Variants in MYO6 observed in about 807,000 individuals in gnomAD.
The protein encoded by MYO6 is unconventional myosin-VI.
A neutral mutation model predicts 178.7 loss-of-function variants in MYO6; 74 were observed. The ratio of observed to expected loss-of-function variants is 0.41; its 90% CI spans 0.34 to 0.50. MYO6 has a LOEUF of 0.50. MYO6 is among the 20% of genes least tolerant of loss of function. The pLI, the probability that MYO6 is intolerant of heterozygous loss-of-function variation, is 0.09. For synonymous variants in MYO6, 477 were observed against 504.6 expected (o/e 0.95, Z 0.73); for missense variants, 1,330 against 1,547.4 (o/e 0.86, Z 2.36).
chr6:75,838,739 T>C (rs1773903605), intron 7 of MYO6, among the ~76,000 whole-genome samples: 1 of 148,458 alleles, frequency 6.7e-6, no homozygotes, highest in Non-Finnish European at 1.5e-5. Flanking sequence ...TCGGCTCACC[T>C]CAACCTCCAT....
In MYO6 at chr6:75,917,158, A is replaced by C. The variant is rs1005102784; in HGVS notation, c.*2146A>C. 5 of 152,678 alleles carry C rather than the reference A, an allele frequency of 3.3e-5. No individual in the cohort carries two copies. Among genetic ancestry groups the C allele is most frequent in the Admixed American group, 6.5e-5 (1 of 15,288 alleles). The allele number at this position is 152,678 out of a possible 1,614,324, so 9.5% of individuals were successfully genotyped here. On this transcript the variant is annotated 3_prime_UTR_variant, in exon 35 of 35. Transcript: ENST00000369977. Reference sequence around the variant, plus strand: ...AGGAGTGGTGTCCTAAATGATGTTCATGCAGCTGCTTTACCATGTTCACAG... The same window carrying C: ...AGGAGTGGTGTCCTAAATGATGTTCCTGCAGCTGCTTTACCATGTTCACAG...
chr6:75,803,894 T>G (rs1769734525), intron 1 of MYO6, among the ~76,000 whole-genome samples: 1 of 152,226 alleles, frequency 6.6e-6, no homozygotes, highest in South Asian at 2.1e-4. Context: ...TTCTTTTTGT[T>G]TTTTGTTTTT....
chr6:75,811,103 G>C (rs1323843514), intron 1 of MYO6, among the ~76,000 whole-genome samples: 2 of 151,858 alleles, frequency 1.3e-5, no homozygotes, highest in Non-Finnish European at 2.9e-5. Flanking sequence ...GACTTCTCTT[G>C]GTGGGGGTGG....
intron 6 of MYO6, among the ~76,000 whole-genome samples, chr6:75,834,650 T>G (rs1234562708): frequency 6.6e-6 from 1 of 152,202 alleles, no homozygotes; most frequent in African/African-American, 2.4e-5. Context: ...GAACTACTGC[T>G]AGGAGCAGCA....
chr6:75,841,973 T>C (rs1774275563), intron 9 of MYO6, among the ~76,000 whole-genome samples: 1 of 152,216 alleles, frequency 6.6e-6, no homozygotes, highest in African/African-American at 2.4e-5. Flanking sequence ...ATAATAGCTC[T>C]GTAATACTAG....
At chr6:75,776,653 AGTGT>A (rs35830759) in intron 1 of MYO6, among the ~76,000 whole-genome samples, 2,727 of 144,742 alleles carry the variant, frequency 0.019, 79 homozygotes, top group African/African-American at 0.064. Flanking sequence ...AGAAACGTGC[AGTGT>A]GTGTGTGTGT....
At chr6:75,783,556 CTTT>C (rs199499336) in intron 1 of MYO6, among the ~76,000 whole-genome samples, 6 of 127,706 alleles carry the variant, frequency 4.7e-5, no homozygotes, top group Non-Finnish European at 5.1e-5. Flanking sequence ...TTGATATCTT[CTTT>C]TTTTTTTTTT....
chr6:75,916,510 G>C lies in MYO6; in HGVS notation c.*1498G>C, dbSNP rs185049851. The C allele has an allele frequency of 1.3e-5, 2 of 152,692 alleles. No individual in the cohort carries two copies. The highest frequency in any genetic ancestry group is 4.8e-5 in the African/African-American group (2 of 41,558). The allele number at this position is 152,692 out of a possible 1,614,324, so 9.5% of individuals were successfully genotyped here. ...ATGCAAATGTGATTATCTTTTGAAGGCTGTATTACTGCATAGCTTCACCCA... is the reference window on the plus strand; with the variant it reads ...ATGCAAATGTGATTATCTTTTGAAGCCTGTATTACTGCATAGCTTCACCCA... On this transcript the variant is annotated 3_prime_UTR_variant, in exon 35 of 35. Transcript: ENST00000369977.
chr6:75,835,979 T>TA (rs767713163), intron 7 of MYO6, 23 bp downstream of exon 7: 2 of 1,532,452 alleles, frequency 1.3e-6, no homozygotes, highest in South Asian at 1.1e-5. Context: ...TTTCAGTTGT[T>TA]ACGCGTGTAC....
chr6:75,912,458 A>G (rs780645961), intron 33 of MYO6, among the ~76,000 whole-genome samples: 14 of 152,058 alleles, frequency 9.2e-5, no homozygotes, highest in South Asian at 2.1e-4. Context: ...GTTTTTCCAG[A>G]TAAGTATTCG....
chr6:75,898,358 T>C lies in MYO6; in HGVS notation c.3138-15T>C, dbSNP rs951430249. 8 of 1,584,220 alleles carry C rather than the reference T, an allele frequency of 5.0e-6. No homozygotes were observed. The highest frequency in any genetic ancestry group is 6.1e-6 in the Non-Finnish European group (7 of 1,153,072). ...ACTTTTATGTAACCATATTGTATTATCGTTTTTCTTGTAGGGAACAAATGG... is the reference window on the plus strand; with the variant it reads ...ACTTTTATGTAACCATATTGTATTACCGTTTTTCTTGTAGGGAACAAATGG... On this transcript the variant is annotated splice_polypyrimidine_tract_variant and intron_variant, in intron 29 of 34. Coordinates refer to ENST00000369977, the MANE Select transcript of MYO6 (RefSeq NM_004999.4).
At chr6:75,855,584 A>AT (rs1170700269) in intron 12 of MYO6, among the ~76,000 whole-genome samples, 2 of 152,130 alleles carry the variant, frequency 1.3e-5, no homozygotes, top group East Asian at 3.8e-4. Context: ...TTTAAAAGTA[A>AT]TTTTTTTATG....
chr6:75,788,476 G>A (rs773618545), intron 1 of MYO6, among the ~76,000 whole-genome samples: 1 of 152,018 alleles, frequency 6.6e-6, no homozygotes, highest in Non-Finnish European at 1.5e-5. Context: ...TTCCCACTGT[G>A]TCCCCCACAC....
chr6:75,867,800 A>G (rs1776818539), intron 18 of MYO6, among the ~76,000 whole-genome samples: 1 of 152,190 alleles, frequency 6.6e-6, no homozygotes, highest in African/African-American at 2.4e-5. Flanking sequence ...TTATTCTTCA[A>G]GGTCTGACAT....
intron 1 of MYO6, among the ~76,000 whole-genome samples, chr6:75,807,442 G>T (rs926234537): frequency 4.6e-5 from 7 of 152,118 alleles, no homozygotes; most frequent in Non-Finnish European, 1.0e-4. Context: ...TCTCTTTGGG[G>T]AGTGGGCATG....
At chr6:75,807,419 A>G (rs980259785) in intron 1 of MYO6, among the ~76,000 whole-genome samples, 2 of 152,014 alleles carry the variant, frequency 1.3e-5, no homozygotes, top group Non-Finnish European at 2.9e-5. Flanking sequence ...GATATTTCAA[A>G]GCCTTCTTCC....
At chr6:75,816,041 C>A (rs146110936) in intron 1 of MYO6, among the ~76,000 whole-genome samples, 1 of 152,186 alleles carries the variant, frequency 6.6e-6, no homozygotes, top group African/African-American at 2.4e-5. Context: ...TCTCAGAATG[C>A]TAAGTATGAA....
intron 1 of MYO6, among the ~76,000 whole-genome samples, chr6:75,750,991 A>G (rs1776845117): frequency 6.6e-6 from 1 of 152,174 alleles, no homozygotes; most frequent in Non-Finnish European, 1.5e-5. Context: ...GCAAAACAGC[A>G]TTTCTGTACA....
intron 9 of MYO6, 125 bp downstream of exon 9, chr6:75,841,503 A>G (rs551449322): frequency 1.2e-6 from 1 of 850,652 alleles, no homozygotes; most frequent in Non-Finnish European, 1.8e-6. Context: ...AGCCTGGGCA[A>G]TGTAGCGAGA....
Sources: gnomAD v4.1 joint callset for allele counts (sites outside exome capture counted in the v4.1 genomes callset) on GRCh38, gnomAD v4.1.1 for gene constraint, MANE v1.5 for transcripts, NCBI Gene and HGNC (gene_info 2026-07-23, HGNC 2026-07-21) for gene names.